Variants in STK32B observed in about 807,000 individuals in gnomAD.
The protein encoded by STK32B is serine/threonine kinase 32B.
Under a neutral mutation model 52.6 loss-of-function variants are expected in STK32B, and 43 were observed. The observed-to-expected ratio is 0.82, with a 90% CI of 0.64 to 1.05. The LOEUF (loss-of-function observed/expected upper bound fraction) is 1.05, where lower values mean the gene tolerates loss of function less well. Ranked by LOEUF, STK32B falls within the 50% of genes least tolerant of loss-of-function variation. STK32B has a pLI of 0.00. For missense variants in STK32B, 621 were observed against 534.6 expected, an observed-to-expected ratio of 1.16 and a Z score of -1.59; for synonymous variants, 238 against 204.3, an observed-to-expected ratio of 1.17 and a Z score of -1.41.
intron 6 of STK32B, among the ~76,000 whole-genome samples, chr4:5,431,871 C>T (rs970815666): frequency 1.3e-5 from 2 of 152,098 alleles, no homozygotes; most frequent in Non-Finnish European, 2.9e-5. Context: ...TATAAATTAC[C>T]CCCCAAAGGA....
At chr4:5,134,968 A>C (rs182163044) in intron 1 of STK32B, among the ~76,000 whole-genome samples, 143 of 152,378 alleles carry the variant, frequency 9.4e-4, no homozygotes, top group Admixed American at 2.2e-3. Context: ...TATGAAATTC[A>C]TTAGAAATAA....
chr4:5,482,222 GAAT>G (rs1484226646), intron 11 of STK32B, among the ~76,000 whole-genome samples: 2 of 152,192 alleles, frequency 1.3e-5, no homozygotes, highest in African/African-American at 4.8e-5. Flanking sequence ...CATGAATATG[GAAT>G]GTTCTTCCAT....
chr4:5,206,815 G>T (rs1439473871), intron 3 of STK32B, among the ~76,000 whole-genome samples: 1 of 152,172 alleles, frequency 6.6e-6, no homozygotes, highest in Non-Finnish European at 1.5e-5. Context: ...GAGAGAACAA[G>T]TTCAGGGCTG....
At chr4:5,175,447 G>C (rs1243621490) in intron 3 of STK32B, among the ~76,000 whole-genome samples, 2 of 152,064 alleles carry the variant, frequency 1.3e-5, no homozygotes, top group Non-Finnish European at 2.9e-5. Context: ...TCTACCTTTG[G>C]TCTTTGACGA....
At chr4:5,170,089 C>T (rs373843645) in intron 3 of STK32B, among the ~76,000 whole-genome samples, 2 of 152,234 alleles carry the variant, frequency 1.3e-5, no homozygotes, top group East Asian at 1.9e-4. Context: ...GCCATCTAAT[C>T]GAACCTTCAT....
chr4:5,185,085 C>T (rs1300068693), intron 3 of STK32B, among the ~76,000 whole-genome samples: 1 of 152,166 alleles, frequency 6.6e-6, no homozygotes, highest in Non-Finnish European at 1.5e-5. Flanking sequence ...ATGTGTCTTG[C>T]GTTTTTAGCA....
intron 1 of STK32B, among the ~76,000 whole-genome samples, chr4:5,124,314 G>A (rs974131485): frequency 2.0e-5 from 3 of 152,196 alleles, no homozygotes; most frequent in African/African-American, 7.2e-5. Context: ...GCTCTTCTCT[G>A]TAAAACCATC....
chr4:5,085,038 G>A lies in STK32B; in HGVS notation c.52+33123G>A, dbSNP rs1392853985. Among the ~76,000 whole-genome samples the A allele has an allele frequency of 2.8e-4, 42 of 152,146 alleles. 1 individual carries two copies. The highest frequency in any genetic ancestry group is 2.4e-3 in the Admixed American group (36 of 15,274). On this transcript the variant is annotated intron_variant, in intron 1 of 11. Transcript: ENST00000282908. ...GCTTTAACTCAGCATTTTCCAGAAT[G>A]TACTCTGAGACACATTAACTTTCAA... is the stretch of plus-strand genomic sequence containing the variant.
Position 5,394,310 on chromosome 4 carries a change from C to T in STK32B, c.435-3897C>T, listed in dbSNP as rs537637526. Among the ~76,000 whole-genome samples, 99 of 152,250 alleles carry T rather than the reference C, an allele frequency of 6.5e-4. No homozygotes were observed. Among genetic ancestry groups the T allele is most frequent in the Admixed American group, 2.3e-3 (35 of 15,294 alleles). On this transcript the variant is annotated intron_variant, in intron 4 of 11. Transcript: ENST00000282908. The surrounding 1 kb of genome is among the most constrained non-coding windows in gnomAD (Gnocchi z 4.2). ...GTCTGTCCTCAGGAAACATCGTCAC[C>T]GCCTTCCCATCCATGCAATGCTCCT... is the stretch of plus-strand genomic sequence containing the variant.
the STK32B span, among the ~76,000 whole-genome samples, chr4:5,022,733 G>A: frequency 6.6e-6 from 1 of 152,182 alleles, no homozygotes; most frequent in African/African-American, 2.4e-5. Context: ...GCCTTTGGAT[G>A]GGTTCTTCAT....
At chr4:5,259,232 G>A in intron 3 of STK32B, among the ~76,000 whole-genome samples, 1 of 152,172 alleles carries the variant, frequency 6.6e-6, no homozygotes, top group South Asian at 2.1e-4. Flanking sequence ...TTATTTACTG[G>A]CTACCTCATT....
intron 4 of STK32B, among the ~76,000 whole-genome samples, chr4:5,339,719 G>C (rs946494435): frequency 6.6e-6 from 1 of 152,158 alleles, no homozygotes; most frequent in African/African-American, 2.4e-5. Context: ...TTGGGCTTAG[G>C]TGGGCTACTA....
At chr4:5,306,061 T>C (rs956631334) in intron 3 of STK32B, among the ~76,000 whole-genome samples, 3 of 152,140 alleles carry the variant, frequency 2.0e-5, no homozygotes, top group Admixed American at 6.6e-5. Context: ...CACTGCAATC[T>C]GAGAGAGTCC....
chr4:5,446,570 A>C lies in STK32B; in HGVS notation c.563-103A>C, dbSNP rs549629988. ...AAACTCTATCTCAAAAAAAAACAAA[A>C]AAAAAAAAAACAAGCTCAATTTCTC... On this transcript the variant is annotated intron_variant, in intron 6 of 11. Transcript: ENST00000282908. 2.7e-3 allele frequency: 2,889 copies of C among 1,086,054 alleles called. 6 individuals are homozygous for C. The highest frequency in any genetic ancestry group is 3.2e-3 in the South Asian group (212 of 66,336). The allele number at this position is 1,086,054 out of a possible 1,614,324, so 67.3% of individuals were successfully genotyped here.
chr4:5,039,902 T>C, the STK32B span, among the ~76,000 whole-genome samples: 1 of 152,190 alleles, frequency 6.6e-6, no homozygotes, highest in African/African-American at 2.4e-5. Context: ...ACCAAGACAG[T>C]GTCTATCCTC....
intron 6 of STK32B, among the ~76,000 whole-genome samples, chr4:5,419,670 C>G (rs1464441548): frequency 2.0e-5 from 3 of 152,186 alleles, no homozygotes; most frequent in Non-Finnish European, 2.9e-5. Context: ...CCATGCGCTT[C>G]TTGTCACTGT....
the STK32B span, among the ~76,000 whole-genome samples, chr4:5,023,700 C>T: frequency 4.9e-3 from 752 of 152,292 alleles, 5 homozygotes; most frequent in African/African-American, 0.016. Flanking sequence ...GAGAAGTGGC[C>T]TCAAGACCCT....
At position 5,174,941 on chromosome 4, in the gene STK32B, A is replaced by G. The variant is rs138793759; in HGVS notation, c.260+6491A>G. ...TTCCCTGTCACTTTCAGGTACACCA[A>G]TCAGATGTAGATTTGGTCTTTTCAC... On this transcript the variant is annotated intron_variant, in intron 3 of 11. Coordinates refer to ENST00000282908, the MANE Select transcript of STK32B (RefSeq NM_018401.3). 6.0e-3 allele frequency among the ~76,000 whole-genome samples: 913 copies of G among 152,330 alleles called. 7 individuals carry two copies. Among genetic ancestry groups the G allele is most frequent in the African/African-American group, 0.02 (839 of 41,568 alleles).
chr4:5,108,665 A>G (rs536515711), intron 1 of STK32B, among the ~76,000 whole-genome samples: 41 of 152,054 alleles, frequency 2.7e-4, no homozygotes, highest in Non-Finnish European at 5.7e-4. Context: ...ATTTTCTACA[A>G]TTTTTTTTGT....
Sources: allele counts gnomAD v4.1 joint callset (sites outside exome capture counted in the v4.1 genomes callset), GRCh38; gene constraint gnomAD v4.1.1; non-coding constraint Gnocchi (gnomAD v3.1); transcripts MANE v1.5; gene names NCBI Gene and HGNC (gene_info 2026-07-23, HGNC 2026-07-21).